The following TAF6L variants were observed in gnomAD, a reference collection of about 807,000 sequenced individuals.
The protein encoded by TAF6L is TATA-box binding protein associated factor 6 like, also known as TAF6-like RNA polymerase II p300/CBP-associated factor-associated factor 65 kDa subunit 6L.
Under a neutral mutation model 57.3 loss-of-function variants are expected in TAF6L, and 34 were observed. That is an observed-to-expected ratio of 0.59 (90% CI 0.45 to 0.79). The LOEUF (loss-of-function observed/expected upper bound fraction) is 0.79. Ranked by LOEUF, TAF6L falls within the 30% of genes least tolerant of loss-of-function variation. The probability of loss-of-function intolerance (pLI) is 0.00; values close to 1 mark genes in which losing one functional copy is unlikely to be tolerated. For synonymous variants in TAF6L, 417 were observed against 376.3 expected, an observed-to-expected ratio of 1.11 and a Z score of -1.25; for missense variants, 782 against 853.2, an observed-to-expected ratio of 0.92 and a Z score of 1.04.
At chr11:62,777,551 G>A (rs1182473083) in intron 3 of TAF6L, among the ~76,000 whole-genome samples, 1 of 152,116 alleles carries the variant, frequency 6.6e-6, no homozygotes, top group Non-Finnish European at 1.5e-5. Flanking sequence ...CTTAAACTAG[G>A]CCAAGAGGAA....
intron 9 of TAF6L, among the ~76,000 whole-genome samples, chr11:62,784,386 C>G (rs1054548344): frequency 6.6e-6 from 1 of 150,532 alleles, no homozygotes; most frequent in African/African-American, 2.4e-5. Flanking sequence ...CTAACTGCAA[C>G]CTCCGCCTCC....
At chr11:62,784,373 T>C (rs1407402585) in intron 9 of TAF6L, among the ~76,000 whole-genome samples, 5 of 149,212 alleles carry the variant, frequency 3.4e-5, no homozygotes, top group Non-Finnish European at 7.4e-5. Context: ...GGCGCCATCT[T>C]GGCTAACTGC....
chr11:62,776,526 C>A, intron 3 of TAF6L, 56 bp downstream of exon 3: 2 of 1,550,296 alleles, frequency 1.3e-6, no homozygotes, highest in Non-Finnish European at 1.8e-6. Context: ...CTTCCATGTC[C>A]AGTTCAGGGC....
chr11:62,782,023 C>G, intron 7 of TAF6L, 55 bp downstream of exon 7: 4 of 1,604,188 alleles, frequency 2.5e-6, no homozygotes, highest in Non-Finnish European at 3.4e-6. Flanking sequence ...GATGACCCAG[C>G]AGGTGTAGGG....
chr11:62,776,554 A>G, intron 3 of TAF6L, 84 bp downstream of exon 3: 2 of 1,403,466 alleles, frequency 1.4e-6, no homozygotes, highest in Non-Finnish European at 2.0e-6. Flanking sequence ...GTGGTGAGAC[A>G]TTAAGACCAA....
intron 3 of TAF6L, among the ~76,000 whole-genome samples, chr11:62,776,800 G>A (rs1189223596): frequency 4.0e-5 from 6 of 149,236 alleles, no homozygotes; most frequent in Non-Finnish European, 8.9e-5. Context: ...GTGGTGAGCT[G>A]AGATTGCACT....
intron 3 of TAF6L, among the ~76,000 whole-genome samples, chr11:62,776,920 C>G (rs182666317): frequency 1.3e-5 from 2 of 151,456 alleles, no homozygotes; most frequent in African/African-American, 4.9e-5. Flanking sequence ...AGGTGGAGGC[C>G]GGCGGATCAC....
rs200288910 is a variant in TAF6L, at chr11:62,775,884, C to T, written c.101C>T (p.Ala34Val). The change falls in exon 2 of 11, where the codon GCG becomes GTG. Residue 34 changes from alanine (A) to valine (V), a missense_variant. This residue lies in a region of TAF6L where 220 missense variants were observed against 252.1 expected (regional missense o/e 0.87). Transcript: ENST00000294168. ...TGLELSDEVA[A>V]LLAEDVCYRL... ...CTGGAGCTGAGCGATGAGGTGGCGGCGCTGCTCGCAGAGGACGTGTGCTAT... is the reference window on the plus strand; with the variant it reads ...CTGGAGCTGAGCGATGAGGTGGCGGTGCTGCTCGCAGAGGACGTGTGCTAT... 1.5e-5 allele frequency: 24 copies of T among 1,613,848 alleles called. No individual in the cohort carries two copies. The highest frequency in any genetic ancestry group is 6.7e-5 in the East Asian group (3 of 44,890).
At position 62,786,776 on chromosome 11, in the gene TAF6L, A is replaced by G. The variant is rs1178854878; in HGVS notation, c.1349A>G (p.Asp450Gly). The G allele has an allele frequency of 1.9e-6, 3 of 1,612,102 alleles. No homozygotes were observed. Among genetic ancestry groups the G allele is most frequent in the Non-Finnish European group, 2.5e-6 (3 of 1,179,846 alleles). The change falls in exon 11 of 11, where the codon GAC becomes GGC. Residue 450 changes from aspartate to glycine, a missense_variant. Transcript: ENST00000294168. ...IYRELYAFFG[D>G]SLATRFGTGQ... ...CGGGAGCTCTACGCCTTCTTCGGTG[A>G]CAGCTTGGCCACACGCTTTGGCACC...
chr11:62,786,396 C>G lies in TAF6L; in HGVS notation c.1089+8C>G. 6.2e-7 allele frequency: 1 copy of G among 1,610,628 alleles called. No individual in the cohort carries two copies. The highest frequency in any genetic ancestry group is 1.7e-5 in the Admixed American group (1 of 59,944). On this transcript the variant is annotated splice_region_variant and intron_variant, in intron 10 of 10. Coordinates refer to ENST00000294168, the MANE Select transcript of TAF6L (RefSeq NM_006473.4). ...GTCTATGGAGCCATTCTGGTGAGTA[C>G]CGTCCCCTTCCAGCCTCCCTTCCCT...
rs868059677 is a variant in TAF6L, at chr11:62,786,794, T to G, written c.1367T>G (p.Phe456Cys). The change falls in exon 11 of 11, where the codon TTT (phenylalanine) becomes TGT (cysteine). Residue 456 changes from phenylalanine to cysteine, a missense_variant. Phe to Cys is a radical substitution (Grantham distance 205). Transcript: ENST00000294168. ...TTCGGTGACAGCTTGGCCACACGCT[T>G]TGGCACCGGCCAGCCTGCACCCACG... ...AFFGDSLATRFGTGQPAPTAP... is the reference protein window; with the variant it reads ...AFFGDSLATRCGTGQPAPTAP... 6.2e-7 allele frequency: 1 copy of G among 1,610,546 alleles called. No homozygotes were observed. Among genetic ancestry groups the G allele is most frequent in the African/African-American group, 1.3e-5 (1 of 74,888 alleles).
rs751584450 is a variant in TAF6L at position 62,782,202 on chromosome 11, G to A, written c.696G>A (p.Gly232=). 3 of 1,614,060 alleles carry A rather than the reference G, an allele frequency of 1.9e-6. No individual in the cohort carries two copies. The highest frequency in any genetic ancestry group is 2.5e-6 in the Non-Finnish European group (3 of 1,180,038). Residue 232 remains glycine (G), a synonymous_variant, in exon 8 of 11, where the codon GGG becomes GGA. Coordinates refer to ENST00000294168, the MANE Select transcript of TAF6L (RefSeq NM_006473.4). ...SLFRNPHLCL[G]PYVRCLVGSV... The stretch of plus-strand genomic sequence containing the variant: ...TTCGTAATCCGCACCTGTGCTTGGG[G>A]CCCTATGTCCGCTGTCTGGTGGGCA...
At chr11:62,777,763 C>T (rs898326022) in intron 3 of TAF6L, among the ~76,000 whole-genome samples, 11 of 152,258 alleles carry the variant, frequency 7.2e-5, no homozygotes, top group South Asian at 2.1e-4. Flanking sequence ...ATGGGAGGAG[C>T]GACCATGTTC....
At chr11:62,780,300 C>T (rs1290040653) in intron 6 of TAF6L, among the ~76,000 whole-genome samples, 2 of 150,804 alleles carry the variant, frequency 1.3e-5, no homozygotes, top group African/African-American at 4.9e-5. Flanking sequence ...CACCTGAGGT[C>T]AGGAGTTCAA....
At chr11:62,772,946 C>G (rs1177971922) in intron 1 of TAF6L, among the ~76,000 whole-genome samples, 1 of 137,826 alleles carries the variant, frequency 7.3e-6, no homozygotes, top group East Asian at 2.2e-4. Flanking sequence ...GGTGCAATCT[C>G]GGCTCACTGC....
rs1284914122 is a variant in TAF6L at position 62,787,268 on chromosome 11, C to T, written c.1841C>T (p.Ser614Leu). 15 of 1,561,598 alleles carry T rather than the reference C, an allele frequency of 9.6e-6. No individual in the cohort carries two copies. The highest frequency in any genetic ancestry group is 1.2e-5 in the Non-Finnish European group (14 of 1,162,310). Residue 614 changes from serine to leucine, a missense_variant, in exon 11 of 11, where the codon TCG becomes TTG. Coordinates refer to ENST00000294168, the MANE Select transcript of TAF6L (RefSeq NM_006473.4). ...CGCCCCGCCCGCCGGTGGGCGCTCT[C>T]GGACTACTCGCTGTACTTGCCGCTC... ...TSRPARRWAL[S>L]DYSLYLPL
intron 9 of TAF6L, among the ~76,000 whole-genome samples, chr11:62,784,901 C>G (rs773675869): frequency 1.3e-5 from 2 of 152,206 alleles, no homozygotes; most frequent in African/African-American, 2.4e-5. Context: ...CTCTCATGTA[C>G]TGTCCTTGTC....
At chr11:62,785,284 T>A (rs1342826820) in intron 9 of TAF6L, among the ~76,000 whole-genome samples, 1 of 149,998 alleles carries the variant, frequency 6.7e-6, no homozygotes, top group East Asian at 2.0e-4. Flanking sequence ...CTCTGCCTCC[T>A]GGGTTCAAGC....
intron 3 of TAF6L, among the ~76,000 whole-genome samples, chr11:62,777,412 G>A (rs1382543486): frequency 2.6e-5 from 4 of 152,208 alleles, no homozygotes; most frequent in Non-Finnish European, 2.9e-5. Context: ...GCTAGGCCCA[G>A]CCCACCTGGG....
Sources: gnomAD v4.1 joint callset for allele counts (sites outside exome capture counted in the v4.1 genomes callset) on GRCh38, gnomAD v4.1.1 for gene constraint, gnomAD v4.1.1 regional missense constraint, MANE v1.5 for transcripts, NCBI Gene and HGNC (gene_info 2026-07-23, HGNC 2026-07-21) for gene names.